The following NRCAM variants were observed in gnomAD, a reference collection of about 807,000 sequenced individuals.
NRCAM encodes neuronal cell adhesion molecule.
In NRCAM, 83 loss-of-function variants were observed where a neutral mutation model predicts 156.5. The ratio of observed to expected loss-of-function variants is 0.53; its 90% CI spans 0.44 to 0.64. NRCAM has a LOEUF of 0.64. Ranked by LOEUF, NRCAM falls within the 30% of genes least tolerant of loss-of-function variation. The pLI is 0.00. For missense variants in NRCAM, 1,417 were observed against 1,597.3 expected, an observed-to-expected ratio of 0.89 and a Z score of 1.92; for synonymous variants, 538 against 563.9, an observed-to-expected ratio of 0.95 and a Z score of 0.65.
intron 32 of NRCAM, among the ~76,000 whole-genome samples, chr7:108,152,672 CACATAATGTCTATGGCTGCTTTAGCACT>C (rs998084383): frequency 5.9e-5 from 9 of 152,166 alleles, no homozygotes; most frequent in Non-Finnish European, 7.3e-5. Context: ...GCCCATTTAT[CACATAATGTCTATGGCTGCTTTAGCACT>C]ACAATAGCAG....
chr7:108,408,465 C>T (rs1791244328), intron 1 of NRCAM, among the ~76,000 whole-genome samples: 1 of 152,200 alleles, frequency 6.6e-6, no homozygotes. Context: ...GAGCTGGGCA[C>T]AGGCTTTTTA....
chr7:108,198,035 T>G lies in NRCAM; in HGVS notation c.1272A>C (p.Glu424Asp). ...TGCACTGATAGACTGCACTTGATCT[T>G]TCTTGAACATTTGAAAAAATAATGG... ...GDTIIFSNVQ[E>D]RSSAVYQCNA... Residue 424 changes from glutamate to aspartate, a missense_variant, in exon 14 of 33, where the codon GAA becomes GAC. Glu to Asp is a conservative substitution (Grantham distance 45). Around this residue, in one of 2 missense-constraint regions of NRCAM, gnomAD observed 1,238 missense variants for 1,336.4 expected, o/e 0.93. Coordinates refer to ENST00000379028, the MANE Select transcript of NRCAM (RefSeq NM_001037132.4). 2 of 1,604,398 alleles carry G rather than the reference T, an allele frequency of 1.2e-6. No homozygotes were observed. The highest frequency in any genetic ancestry group is 2.2e-5 in the South Asian group (2 of 89,350).
intron 29 of NRCAM, 101 bp downstream of exon 29, chr7:108,168,176 T>A: frequency 8.1e-7 from 1 of 1,228,082 alleles, no homozygotes; most frequent in Non-Finnish European, 1.1e-6. Context: ...TGGATCAAGT[T>A]ATTTTTCAAG....
chr7:108,241,695 G>C (rs2300002), intron 3 of NRCAM, among the ~76,000 whole-genome samples: 34,501 of 151,910 alleles, frequency 0.23, 4,188 homozygotes, highest in Non-Finnish European at 0.26. Context: ...AAAAGGAAAG[G>C]AGAAAAGGGG....
At chr7:108,308,207 A>G (rs1306162836) in intron 3 of NRCAM, among the ~76,000 whole-genome samples, 1 of 152,258 alleles carries the variant, frequency 6.6e-6, no homozygotes, top group Non-Finnish European at 1.5e-5. Context: ...AACAAGAGCC[A>G]CAGGGCAGTG....
chr7:108,318,229 T>C (rs2098955412), intron 2 of NRCAM, among the ~76,000 whole-genome samples: 1 of 151,632 alleles, frequency 6.6e-6, no homozygotes, highest in Admixed American at 6.6e-5. Context: ...GCATTTTTAG[T>C]AGAGATGGGG....
chr7:108,388,160 T>C (rs1283836670), intron 2 of NRCAM, among the ~76,000 whole-genome samples: 1 of 152,188 alleles, frequency 6.6e-6, no homozygotes, highest in Non-Finnish European at 1.5e-5. Context: ...GTTGAACTAG[T>C]TTACAGTCCC....
chr7:108,168,507 T>A, intron 28 of NRCAM, 105 bp from the exon 29 acceptor site: 1 of 1,036,610 alleles, frequency 9.6e-7, no homozygotes, highest in Non-Finnish European at 1.3e-6. Flanking sequence ...TAGAATTAAA[T>A]AGAATTTACT....
intron 5 of NRCAM, among the ~76,000 whole-genome samples, chr7:108,236,232 G>T (rs2094977254): frequency 6.6e-6 from 1 of 152,092 alleles, no homozygotes; most frequent in Admixed American, 6.6e-5. Context: ...CTCTTCTCTT[G>T]TCTTCTAGTC....
chr7:108,398,291 T>C (rs958187136), intron 2 of NRCAM, among the ~76,000 whole-genome samples: 3 of 152,210 alleles, frequency 2.0e-5, no homozygotes, highest in African/African-American at 7.2e-5. Context: ...GACATTTTCC[T>C]ACTTCCCATG....
intron 28 of NRCAM, among the ~76,000 whole-genome samples, chr7:108,173,942 C>T (rs1474949470): frequency 6.6e-6 from 1 of 152,192 alleles, no homozygotes; most frequent in Non-Finnish European, 1.5e-5. Context: ...ACTTGCTTCA[C>T]AGACAGTCCT....
chr7:108,370,604 C>G (rs2099622241), intron 2 of NRCAM, among the ~76,000 whole-genome samples: 1 of 151,924 alleles, frequency 6.6e-6, no homozygotes, highest in Non-Finnish European at 1.5e-5. Flanking sequence ...TTCAGATAGC[C>G]AAATATTTAA....
chr7:108,285,522 G>T (rs1472520317), intron 3 of NRCAM, among the ~76,000 whole-genome samples: 4 of 152,152 alleles, frequency 2.6e-5, no homozygotes, highest in African/African-American at 9.7e-5. Flanking sequence ...AGGAGACAAT[G>T]GATTTCCCAA....
At chr7:108,398,392 TC>T (rs2099782927) in intron 2 of NRCAM, among the ~76,000 whole-genome samples, 1 of 152,132 alleles carries the variant, frequency 6.6e-6, no homozygotes, top group Non-Finnish European at 1.5e-5. Context: ...CTCCTCGCTC[TC>T]CCCCATATAA....
intron 3 of NRCAM, among the ~76,000 whole-genome samples, chr7:108,306,388 G>T (rs2098715281): frequency 6.6e-6 from 1 of 152,066 alleles, no homozygotes; most frequent in African/African-American, 2.4e-5. Flanking sequence ...GAATAGCACG[G>T]ATGGTTTCCT....
intron 2 of NRCAM, among the ~76,000 whole-genome samples, chr7:108,327,355 CAT>C (rs2099080410): frequency 6.6e-6 from 1 of 152,116 alleles, no homozygotes; most frequent in African/African-American, 2.4e-5. Flanking sequence ...TATATACAAA[CAT>C]AAGTTATTTT....
At chr7:108,307,924 T>C (rs1286990898) in intron 3 of NRCAM, among the ~76,000 whole-genome samples, 1 of 152,180 alleles carries the variant, frequency 6.6e-6, no homozygotes, top group Non-Finnish European at 1.5e-5. Flanking sequence ...TAGGCACACA[T>C]GTCTACCTTT....
intron 1 of NRCAM, among the ~76,000 whole-genome samples, chr7:108,451,205 C>T (rs558977148): frequency 1.4e-5 from 2 of 145,044 alleles, no homozygotes; most frequent in African/African-American, 5.2e-5. Context: ...AGTGACAGGG[C>T]GAGACTCCGT....
intron 1 of NRCAM, among the ~76,000 whole-genome samples, chr7:108,420,039 C>T (rs1044123386): frequency 6.8e-6 from 1 of 146,640 alleles, no homozygotes; most frequent in Admixed American, 6.8e-5. Flanking sequence ...TTAGTTCCAT[C>T]GTGTGTGTGT....
Sources: allele counts gnomAD v4.1 joint callset (sites outside exome capture counted in the v4.1 genomes callset), GRCh38; gene constraint gnomAD v4.1.1; regional missense constraint gnomAD v4.1.1; transcripts MANE v1.5; gene names NCBI Gene and HGNC (gene_info 2026-07-23, HGNC 2026-07-21).